Variants in SLC7A2 observed in about 807,000 individuals in gnomAD.
SLC7A2 encodes the protein solute carrier family 7 member 2.
In SLC7A2, 48 loss-of-function variants were observed where a neutral mutation model predicts 58.9. That is an observed-to-expected ratio of 0.82 (90% CI 0.65 to 1.04). The LOEUF (loss-of-function observed/expected upper bound fraction) is 1.04, where lower values mean the gene tolerates loss of function less well. Ranked by LOEUF, SLC7A2 falls within the 50% of genes least tolerant of loss-of-function variation. The pLI, the probability that SLC7A2 is intolerant of heterozygous loss-of-function variation, is 0.00. For missense variants in SLC7A2, 1,029 were observed against 818.8 expected, an observed-to-expected ratio of 1.26 and a Z score of -3.13; for synonymous variants, 363 against 314.5, an observed-to-expected ratio of 1.15 and a Z score of -1.63.
At chr8:17,558,736 T>C (rs909194033) in intron 9 of SLC7A2, among the ~76,000 whole-genome samples, 4 of 152,202 alleles carry the variant, frequency 2.6e-5, no homozygotes, top group African/African-American at 9.7e-5. Flanking sequence ...CACAGATGTA[T>C]GTAAAGGATG....
chr8:17,550,535 G>T lies in SLC7A2; in HGVS notation c.832+101G>T, dbSNP rs576842583. Reference sequence around the variant, plus strand: ...GGTCCAGGAAAGAGAGAGGGATTTCGGGTAAGAAGGGCACTAGTTCCAGGC... The same window carrying T: ...GGTCCAGGAAAGAGAGAGGGATTTCTGGTAAGAAGGGCACTAGTTCCAGGC... On this transcript the variant is annotated intron_variant, in intron 6 of 12. Coordinates refer to ENST00000494857, the MANE Select transcript of SLC7A2 (RefSeq NM_001370338.1). The T allele has an allele frequency of 7.3e-6, 8 of 1,090,330 alleles. No individual in the cohort carries two copies. The Admixed American group carries it at 2.1e-4, about 29-fold the overall frequency. 67.5% of individuals were successfully genotyped at this position (1,090,330 alleles called of 1,614,324 possible). A position where few individuals can be genotyped will look rare whatever the true frequency, so the allele number is the denominator to read the frequency against.
chr8:17,501,757 C>G (rs1008593056), intron 1 of SLC7A2, among the ~76,000 whole-genome samples: 1 of 151,888 alleles, frequency 6.6e-6, no homozygotes, highest in African/African-American at 2.4e-5. Context: ...GAAAGCAATA[C>G]CCACACACCC....
chr8:17,568,218 G>C lies in SLC7A2; in HGVS notation c.*3072G>C, dbSNP rs1004399721. The C allele has an allele frequency of 6.6e-6, 1 of 151,660 alleles. No individual in the cohort carries two copies. The highest frequency in any genetic ancestry group is 1.5e-5 in the Non-Finnish European group (1 of 67,952). 9.4% of individuals were successfully genotyped at this position (151,660 alleles called of 1,614,324 possible). On this transcript the variant is annotated 3_prime_UTR_variant, in exon 13 of 13. Coordinates refer to ENST00000494857, the MANE Select transcript of SLC7A2 (RefSeq NM_001370338.1). Reference sequence around the variant, plus strand: ...TCAACATTTTCAGTGAGAATTTCTTGTAATGGCACCTCAAATTTTATACTC... The same window carrying C: ...TCAACATTTTCAGTGAGAATTTCTTCTAATGGCACCTCAAATTTTATACTC...
At chr8:17,534,189 G>A (rs1801569725) in intron 2 of SLC7A2, among the ~76,000 whole-genome samples, 3 of 152,064 alleles carry the variant, frequency 2.0e-5, no homozygotes, top group South Asian at 4.2e-4. Context: ...TATTTAAAAA[G>A]GGCAGCAGGA....
At chr8:17,539,144 A>G (rs1476921487) in intron 2 of SLC7A2, among the ~76,000 whole-genome samples, 1 of 152,216 alleles carries the variant, frequency 6.6e-6, no homozygotes, top group Non-Finnish European at 1.5e-5. Flanking sequence ...CGTCAATGTC[A>G]TCAGGGTTAG....
At chr8:17,548,954 A>G (rs1802311296) in intron 5 of SLC7A2, 111 bp downstream of exon 5, 1 of 883,258 alleles carries the variant, frequency 1.1e-6, no homozygotes, top group East Asian at 2.5e-5. Context: ...TGACTGGGTA[A>G]TTTATAAGGA....
intron 2 of SLC7A2, among the ~76,000 whole-genome samples, chr8:17,535,088 A>T (rs1243145081): frequency 6.6e-6 from 1 of 152,118 alleles, no homozygotes; most frequent in Admixed American, 6.5e-5. Context: ...TGTTTCTCAA[A>T]TTCTACGTCT....
intron 2 of SLC7A2, among the ~76,000 whole-genome samples, chr8:17,520,296 G>T (rs898496062): frequency 2.6e-5 from 4 of 151,956 alleles, no homozygotes; most frequent in African/African-American, 9.7e-5. Context: ...TGTGTATGTG[G>T]TGTATGTGTA....
At chr8:17,496,120 C>T (rs529912696), upstream of SLC7A2, among the ~76,000 whole-genome samples, 317 of 152,226 alleles carry the variant, frequency 2.1e-3, 1 homozygote, top group Middle Eastern at 3.4e-3. Context: ...TAAAGTGGAC[C>T]TTTCTGTCAA....
At chr8:17,522,343 A>G (rs953852533) in intron 2 of SLC7A2, among the ~76,000 whole-genome samples, 1 of 152,116 alleles carries the variant, frequency 6.6e-6, no homozygotes, top group African/African-American at 2.4e-5. Flanking sequence ...GGTCCCTCCC[A>G]CAACACATAG....
At chr8:17,502,056 C>T (rs1225582562) in intron 1 of SLC7A2, among the ~76,000 whole-genome samples, 5 of 151,502 alleles carry the variant, frequency 3.3e-5, no homozygotes, top group East Asian at 1.9e-4. Flanking sequence ...CCTCCTAAGT[C>T]GTCCTACAAT....
chr8:17,495,797 G>T (rs1209435939), upstream of SLC7A2, among the ~76,000 whole-genome samples: 1 of 152,282 alleles, frequency 6.6e-6, no homozygotes, highest in Non-Finnish European at 1.5e-5. Context: ...TGATCGGCGC[G>T]CCTCGGCGTC....
rs1803213636 is a variant in SLC7A2 at position 17,565,238 on chromosome 8, A to T, written c.*92A>T. On this transcript the variant is annotated 3_prime_UTR_variant, in exon 13 of 13. Transcript: ENST00000494857. ...GATGTCATCAGCATGCTGGGTTGTC[A>T]TGGGTTTGCTGCATACATAGTTCAC... is the stretch of plus-strand genomic sequence containing the variant. 5 of 1,016,432 alleles carry T rather than the reference A, an allele frequency of 4.9e-6. No homozygotes were observed. The highest frequency in any genetic ancestry group is 7.2e-6 in the Non-Finnish European group (5 of 694,026). The allele number at this position is 1,016,432 out of a possible 1,614,324, so 63.0% of individuals were successfully genotyped here.
intron 2 of SLC7A2, among the ~76,000 whole-genome samples, chr8:17,515,459 C>T (rs924858309): frequency 2.0e-5 from 3 of 152,044 alleles, no homozygotes; most frequent in Non-Finnish European, 4.4e-5. Flanking sequence ...CCACACCCAG[C>T]TAATTTTTGT....
intron 6 of SLC7A2, 40 bp downstream of exon 6, chr8:17,550,474 C>G (rs370102726): frequency 6.3e-7 from 1 of 1,593,922 alleles, no homozygotes; most frequent in Admixed American, 1.7e-5. Flanking sequence ...AGGAGTGTTC[C>G]TTGTTGTGCA....
chr8:17,544,377 T>C, intron 3 of SLC7A2, 74 bp from the exon 4 acceptor site: 1 of 1,315,486 alleles, frequency 7.6e-7, no homozygotes, highest in Admixed American at 1.9e-5. Flanking sequence ...ATGTTTATCC[T>C]ATAATAGAGT....
chr8:17,521,103 T>G (rs1800996511), intron 2 of SLC7A2, among the ~76,000 whole-genome samples: 1 of 152,310 alleles, frequency 6.6e-6, no homozygotes, highest in African/African-American at 2.4e-5. Context: ...GTAAGGTAAC[T>G]ACATTTTCTT....
intron 2 of SLC7A2, among the ~76,000 whole-genome samples, chr8:17,534,163 A>G (rs977785871): frequency 2.6e-5 from 4 of 152,012 alleles, no homozygotes; most frequent in Non-Finnish European, 2.9e-5. Flanking sequence ...CCTGTCTATT[A>G]TTGATGGGCA....
chr8:17,497,465 C>A (rs555518661), intron 1 of SLC7A2, among the ~76,000 whole-genome samples: 1 of 152,180 alleles, frequency 6.6e-6, no homozygotes, highest in African/African-American at 2.4e-5. Context: ...AAGCCGTGGA[C>A]CTTCGTCCTC....
Sources: allele counts gnomAD v4.1 joint callset (sites outside exome capture counted in the v4.1 genomes callset), GRCh38; gene constraint gnomAD v4.1.1; transcripts MANE v1.5; gene names NCBI Gene and HGNC (gene_info 2026-07-23, HGNC 2026-07-21).